Variants in SNX10 observed in about 807,000 individuals in gnomAD.
SNX10 encodes sorting nexin-10.
Under a neutral mutation model 28.5 loss-of-function variants are expected in SNX10, and 25 were observed. The observed-to-expected ratio is 0.88, with a 90% confidence interval of 0.64 to 1.22. SNX10 has a LOEUF of 1.22. Among genes scored for constraint, SNX10 ranks in the 50% most tolerant of loss-of-function variants. The pLI is 0.00. For missense variants in SNX10, 223 were observed against 242.6 expected (o/e 0.92, Z 0.54); for synonymous variants, 62 against 81.4 (o/e 0.76, Z 1.28).
At chr7:26,353,536 C>T (rs764061452) in intron 2 of SNX10, among the ~76,000 whole-genome samples, 4 of 145,314 alleles carry the variant, frequency 2.8e-5, no homozygotes, top group Non-Finnish European at 6.0e-5. Flanking sequence ...ACTGCAACCT[C>T]CGCCTCCCAG....
chr7:26,349,628 T>C (rs891773090), intron 2 of SNX10, among the ~76,000 whole-genome samples: 5 of 152,202 alleles, frequency 3.3e-5, no homozygotes, highest in African/African-American at 1.2e-4. Flanking sequence ...TAAAATATTA[T>C]GGTTACATAT....
rs930422594 is a variant in SNX10, at chr7:26,365,104, C to T, written c.270C>T (p.His90=). 1.7e-5 allele frequency: 28 copies of T among 1,613,126 alleles called. No individual in the cohort carries two copies. The highest frequency in any genetic ancestry group is 6.6e-5 in the South Asian group (6 of 91,058). The change falls in exon 5 of 7, where the codon CAC becomes CAT. Residue 90 remains histidine, a synonymous_variant. Transcript: ENST00000338523. ...TTTTCAACATGAACAATCGCCAGCA[C>T]GTGGATCAGCGTCGCCAGGGTCTGG... ...NLFFNMNNRQ[H]VDQRRQGLED...
In SNX10 at chr7:26,358,805, GTTTTTTT is replaced by G. The variant is rs35527687; in HGVS notation, c.25-2157_25-2151del. 2.2e-4 allele frequency among the ~76,000 whole-genome samples: 22 copies of G among 100,104 alleles called. 1 individual carries two copies. Among genetic ancestry groups the G allele is most frequent in the African/African-American group, 7.1e-4 (16 of 22,686 alleles). The allele number at this position is 100,104 out of a possible 152,430, so 65.7% of individuals were successfully genotyped here. On this transcript the variant is annotated intron_variant, in intron 2 of 6. Transcript: ENST00000338523. ...GAGCATCACTATAGTGTTATCTTGT[GTTTTTTT>G]TTTTTTTTTTTTGACCAAGTCTTGC... is the stretch of plus-strand genomic sequence containing the variant.
chr7:26,292,787 C>T (rs1785977065), intron 1 of SNX10, among the ~76,000 whole-genome samples: 2 of 152,202 alleles, frequency 1.3e-5, no homozygotes, highest in South Asian at 4.1e-4. Flanking sequence ...GGGGAGGAGG[C>T]TTGCACATGA....
chr7:26,367,570 G>GGCCCCTGCTGACCC (rs1205708274), intron 5 of SNX10, among the ~76,000 whole-genome samples: 3 of 152,176 alleles, frequency 2.0e-5, no homozygotes, highest in Non-Finnish European at 4.4e-5. Flanking sequence ...TGAGCTCTGC[G>GGCCCCTGCTGACCC]GCCCCTGCTG....
At chr7:26,308,571 G>C (rs1466730736) in intron 1 of SNX10, among the ~76,000 whole-genome samples, 1 of 152,176 alleles carries the variant, frequency 6.6e-6, no homozygotes, top group Non-Finnish European at 1.5e-5. Context: ...GGAGGTTCCT[G>C]GGGGGTGGTG....
intron 2 of SNX10, among the ~76,000 whole-genome samples, chr7:26,358,497 T>C (rs952736420): frequency 6.6e-6 from 1 of 152,106 alleles, no homozygotes; most frequent in African/African-American, 2.4e-5. Context: ...CCCAGCACTT[T>C]GGGAGGCTGA....
Position 26,324,276 on chromosome 7 carries a change from AC to A in SNX10, c.-23-22142del, listed in dbSNP as rs199660478. On this transcript the variant is annotated intron_variant, in intron 1 of 6. Coordinates refer to ENST00000338523, the MANE Select transcript of SNX10 (RefSeq NM_013322.3). ...TTAAAAAAATGTGTGTGAGAAAAAA[AC>A]CGTAAGGAAGTAAAATTGTGATAAT... Among the ~76,000 whole-genome samples, 224 of 152,014 alleles carry A rather than the reference AC, an allele frequency of 1.5e-3. 1 individual carries two copies. The highest frequency in any genetic ancestry group is 5.2e-3 in the African/African-American group (215 of 41,458).
Position 26,364,384 on chromosome 7 carries a change from A to T in SNX10, c.112-151A>T. On this transcript the variant is annotated intron_variant, in intron 3 of 6. Coordinates refer to ENST00000338523, the MANE Select transcript of SNX10 (RefSeq NM_013322.3). This position sits in a 1 kb window ranked among gnomAD's most constrained non-coding sequence, Gnocchi z 4.9. ...GCTGTTATGTTCCTGGGTTATGTGCAAGATTTCAGAGTACTGGCATAAATA... is the reference window on the plus strand; with the variant it reads ...GCTGTTATGTTCCTGGGTTATGTGCTAGATTTCAGAGTACTGGCATAAATA... 7.2e-7 allele frequency: 1 copy of T among 1,383,444 alleles called. No individual in the cohort carries two copies. The highest frequency in any genetic ancestry group is 1.8e-5 in the South Asian group (1 of 56,440). The allele number at this position is 1,383,444 out of a possible 1,614,324, so 85.7% of individuals were successfully genotyped here. A position where few individuals can be genotyped will look rare whatever the true frequency, so the allele number is the denominator to read the frequency against.
At chr7:26,313,749 C>T (rs1323114692) in intron 1 of SNX10, among the ~76,000 whole-genome samples, 1 of 152,032 alleles carries the variant, frequency 6.6e-6, no homozygotes, top group East Asian at 1.9e-4. Flanking sequence ...GAAATTGAGC[C>T]GTCATCAGAC....
In SNX10 at chr7:26,372,499, C is replaced by T. The variant is rs1328053388; in HGVS notation, c.533C>T (p.Ser178Phe). 1 of 1,605,944 alleles carries T rather than the reference C, an allele frequency of 6.2e-7. No homozygotes were observed. The highest frequency in any genetic ancestry group is 1.3e-5 in the African/African-American group (1 of 74,760). ...CCTCTCTTCTTTTCCAGTTCATCCT[C>T]TGGGCTTGGACACAGTAGTGATGAC... is the stretch of plus-strand genomic sequence containing the variant. ...DIDYDSESSS[S>F]GLGHSSDDSS... Residue 178 changes from serine to phenylalanine, a missense_variant, in exon 7 of 7, where the codon TCT becomes TTT. Coordinates refer to ENST00000338523, the MANE Select transcript of SNX10 (RefSeq NM_013322.3).
rs1230686289 is a variant in SNX10 at position 26,291,969 on chromosome 7, T to TGCGCTCCTGG, written c.-134_-125dup. 3.6e-5 allele frequency: 5 copies of TGCGCTCCTGG among 138,754 alleles called. No individual in the cohort carries two copies. The highest frequency in any genetic ancestry group is 1.3e-4 in the African/African-American group (5 of 39,976). The allele number at this position is 138,754 out of a possible 1,614,324, so 8.6% of individuals were successfully genotyped here. On this transcript the variant is annotated 5_prime_UTR_variant, in exon 1 of 7. Coordinates refer to ENST00000338523, the MANE Select transcript of SNX10 (RefSeq NM_013322.3). ...CGGGGAGCGCGGGGCTGCGCTCGTG[T>TGCGCTCCTGG]GCGCTCCTGGGCGCTCGCCGCCGCC...
Position 26,372,833 on chromosome 7 carries a change from C to A in SNX10, c.*261C>A. The stretch of plus-strand genomic sequence containing the variant: ...TATTGGTAAACAAGATCTTGCCCTC[C>A]AATGAAATGACTTACATGTTTTAAA... On this transcript the variant is annotated 3_prime_UTR_variant, in exon 7 of 7. Coordinates refer to ENST00000338523, the MANE Select transcript of SNX10 (RefSeq NM_013322.3). The A allele has an allele frequency of 3.1e-6, 1 of 322,040 alleles. No homozygotes were observed. The highest frequency in any genetic ancestry group is 5.7e-6 in the Non-Finnish European group (1 of 176,702). 19.9% of individuals were successfully genotyped at this position (322,040 alleles called of 1,614,324 possible).
At position 26,345,295 on chromosome 7, in the gene SNX10, C is replaced by T. The variant is rs900110485; in HGVS notation, c.-23-1125C>T. 7.2e-5 allele frequency among the ~76,000 whole-genome samples: 11 copies of T among 152,280 alleles called. No individual in the cohort carries two copies. The East Asian group carries it at 2.1e-3, about 29-fold the overall frequency. ...ATCTGGCCTGGTCACGATCTCTGGA[C>T]CATAGGGCACGCTTTTCACCAGGCT... On this transcript the variant is annotated intron_variant, in intron 1 of 6. Transcript: ENST00000338523.
intron 1 of SNX10, among the ~76,000 whole-genome samples, chr7:26,318,174 C>T (rs1436064066): frequency 6.6e-6 from 1 of 152,166 alleles, no homozygotes; most frequent in African/African-American, 2.4e-5. Context: ...CAGGCTAACG[C>T]ATATTTCCTG....
chr7:26,309,593 G>T (rs4563785), intron 1 of SNX10, among the ~76,000 whole-genome samples: 9,452 of 152,204 alleles, frequency 0.062, 411 homozygotes, highest in South Asian at 0.091. Context: ...GTATCCGGCT[G>T]TTGGCTTCTC....
intron 1 of SNX10, among the ~76,000 whole-genome samples, chr7:26,324,081 A>G (rs934121403): frequency 6.6e-6 from 1 of 152,154 alleles, no homozygotes; most frequent in Admixed American, 6.5e-5. Context: ...GTACCTCACA[A>G]ATACACTTTC....
At chr7:26,338,653 C>T (rs1283977016) in intron 1 of SNX10, among the ~76,000 whole-genome samples, 3 of 152,202 alleles carry the variant, frequency 2.0e-5, no homozygotes, top group Non-Finnish European at 4.4e-5. Context: ...ATCCGCCCAC[C>T]TCGGCCTCCC....
chr7:26,311,583 C>T (rs1012811832), intron 1 of SNX10, among the ~76,000 whole-genome samples: 12 of 152,308 alleles, frequency 7.9e-5, no homozygotes, highest in Admixed American at 1.3e-4. Flanking sequence ...TGCCTTCCAT[C>T]TCTTCAAATT....
Sources: gnomAD v4.1 joint callset for allele counts (sites outside exome capture counted in the v4.1 genomes callset) on GRCh38, gnomAD v4.1.1 for gene constraint, Gnocchi (gnomAD v3.1) non-coding constraint, MANE v1.5 for transcripts, NCBI Gene and HGNC (gene_info 2026-07-23, HGNC 2026-07-21) for gene names.